SASH1: variants seen among roughly 807,000 people sequenced by gnomAD.
SASH1 encodes SAM and SH3 domain containing 1.
SASH1 carries 44 observed loss-of-function variants against 125.2 expected under a neutral mutation model. The observed-to-expected ratio is 0.35, with a 90% CI of 0.28 to 0.45. The LOEUF (loss-of-function observed/expected upper bound fraction) is 0.45, where lower values mean the gene tolerates loss of function less well. Among genes scored for constraint, SASH1 ranks in the 20% least tolerant of loss-of-function variants. SASH1 has a pLI of 1.00. For synonymous variants in SASH1, 639 were observed against 649.1 expected (o/e 0.98, Z 0.24); for missense variants, 1,426 against 1,614.5 (o/e 0.88, Z 2.00).
At chr6:148,424,290 A>G (rs1192785498) in intron 2 of SASH1, among the ~76,000 whole-genome samples, 12 of 149,138 alleles carry the variant, frequency 8.0e-5, no homozygotes, top group Non-Finnish European at 1.2e-4. Flanking sequence ...CCCAGGCTGG[A>G]GTGCGGTGGC....
intron 1 of SASH1, among the ~76,000 whole-genome samples, chr6:148,322,917 T>TCTTTCTTTCTTTC (rs1452245077): frequency 1.6e-5 from 2 of 126,032 alleles, no homozygotes; most frequent in African/African-American, 2.9e-5. Context: ...TTTCTTTCTT[T>TCTTTCTTTCTTTC]TTTCTTTCTC....
At chr6:148,545,218 A>G (rs1583340110) in intron 18 of SASH1, among the ~76,000 whole-genome samples, 1 of 152,152 alleles carries the variant, frequency 6.6e-6, no homozygotes, top group Non-Finnish European at 1.5e-5. Context: ...ATTATTTCTC[A>G]TTCAAAAAAA....
At chr6:148,502,778 G>A (rs6936843) in intron 8 of SASH1, among the ~76,000 whole-genome samples, 87,678 of 151,760 alleles carry the variant, frequency 0.58, 25,702 homozygotes, top group Non-Finnish European at 0.61. Flanking sequence ...GGGCCCCAGG[G>A]CCATGTAAAT....
chr6:148,326,377 T>TATATATATATATATA (rs1780825015), intron 1 of SASH1, among the ~76,000 whole-genome samples: 2 of 33,492 alleles, frequency 6.0e-5, no homozygotes, highest in African/African-American at 8.6e-5. Flanking sequence ...TATATATACA[T>TATATATATATATATA]TCTTTTCTTT....
intron 1 of SASH1, among the ~76,000 whole-genome samples, chr6:148,377,338 T>C (rs1170252128): frequency 6.6e-6 from 1 of 152,166 alleles, no homozygotes; most frequent in East Asian, 1.9e-4. Context: ...TCCTTGTGTA[T>C]TCAGTGCCCT....
intron 4 of SASH1, among the ~76,000 whole-genome samples, chr6:148,457,033 T>G (rs1176560804): frequency 6.6e-6 from 1 of 151,036 alleles, no homozygotes; most frequent in Non-Finnish European, 1.5e-5. Context: ...ATTTTGCTTT[T>G]GATAATAATT....
intron 1 of SASH1, among the ~76,000 whole-genome samples, chr6:148,388,349 C>G (rs1783566542): frequency 6.6e-6 from 1 of 152,192 alleles, no homozygotes; most frequent in Admixed American, 6.5e-5. Context: ...CTACTGGACA[C>G]TTGACAATAG....
At chr6:148,440,483 A>T in intron 4 of SASH1, 76 bp downstream of exon 4, 1 of 1,246,642 alleles carries the variant, frequency 8.0e-7, no homozygotes, top group Non-Finnish European at 1.2e-6. Context: ...GAAATCAAAC[A>T]GGCGATCATG....
At chr6:148,266,553 A>G in the SASH1 span, among the ~76,000 whole-genome samples, 7 of 152,156 alleles carry the variant, frequency 4.6e-5, no homozygotes, top group Non-Finnish European at 1.0e-4. Context: ...CTGCTGTTGT[A>G]TTATTATCAA....
chr6:148,531,163 A>G (rs924868263), intron 12 of SASH1, among the ~76,000 whole-genome samples: 1 of 152,140 alleles, frequency 6.6e-6, no homozygotes, highest in East Asian at 1.9e-4. Context: ...TCTAGTAATC[A>G]TGGATTGTAC....
chr6:148,329,876 A>T (rs1290403105), intron 1 of SASH1, among the ~76,000 whole-genome samples: 1 of 152,120 alleles, frequency 6.6e-6, no homozygotes, highest in African/African-American at 2.4e-5. Flanking sequence ...AGGAACAGGA[A>T]TGGGAGTGTC....
chr6:148,378,327 T>C (rs532806188), intron 1 of SASH1, among the ~76,000 whole-genome samples: 1 of 151,500 alleles, frequency 6.6e-6, no homozygotes, highest in South Asian at 2.1e-4. Flanking sequence ...GTCCTGGGAT[T>C]ACAGGCATGA....
intron 7 of SASH1, among the ~76,000 whole-genome samples, chr6:148,474,676 A>G (rs1417742605): frequency 6.6e-6 from 1 of 152,124 alleles, no homozygotes; most frequent in African/African-American, 2.4e-5. Context: ...GGTCCAAGTA[A>G]TCCTCCCATG....
chr6:148,446,275 AT>A (rs1321543187), intron 4 of SASH1, among the ~76,000 whole-genome samples: 4 of 151,440 alleles, frequency 2.6e-5, no homozygotes, highest in East Asian at 1.9e-4. Context: ...TGCCCAGCTA[AT>A]TTTTTGTATT....
the SASH1 span, among the ~76,000 whole-genome samples, chr6:148,249,176 C>T: frequency 4.9e-4 from 75 of 152,320 alleles, 2 homozygotes; most frequent in East Asian, 0.014. Flanking sequence ...ACATTTTTTA[C>T]TTATTGTCTA....
intron 4 of SASH1, among the ~76,000 whole-genome samples, chr6:148,465,364 C>T (rs1361505537): frequency 2.0e-5 from 3 of 151,966 alleles, no homozygotes; most frequent in Non-Finnish European, 4.4e-5. Context: ...CCAGCCTGGT[C>T]AACATGGTGA....
At position 148,387,199 on chromosome 6, in the gene SASH1, C is replaced by G. The variant is rs537612984; in HGVS notation, c.157-2935C>G. Among the ~76,000 whole-genome samples, 3 of 150,660 alleles carry G rather than the reference C, an allele frequency of 2.0e-5. No individual in the cohort carries two copies. The South Asian group carries it at 6.3e-4, about 32-fold the overall frequency. On this transcript the variant is annotated intron_variant, in intron 1 of 19. Coordinates refer to ENST00000367467, the MANE Select transcript of SASH1 (RefSeq NM_015278.5). ...GTGGCGCAATCTCGGCTCACTGCAG[C>G]CTCCGCCTTCTGGTTTCAAGCAATT...
chr6:148,508,132 T>C (rs1779908497), intron 8 of SASH1, among the ~76,000 whole-genome samples: 1 of 152,196 alleles, frequency 6.6e-6, no homozygotes, highest in African/African-American at 2.4e-5. Context: ...AAGAGAGCTT[T>C]AGAAGCACCA....
At chr6:148,272,202 G>T (rs1031501130), upstream of SASH1, 1 of 281,236 alleles carries the variant, frequency 3.6e-6, no homozygotes, top group African/African-American at 2.2e-5. Flanking sequence ...TTGTTTTAAA[G>T]TTGATAATCC....
Sources: gnomAD v4.1 joint callset for allele counts (sites outside exome capture counted in the v4.1 genomes callset) on GRCh38, gnomAD v4.1.1 for gene constraint, MANE v1.5 for transcripts, NCBI Gene and HGNC (gene_info 2026-07-23, HGNC 2026-07-21) for gene names.